Variants in CSMD3 observed in about 807,000 individuals in gnomAD.
The protein encoded by CSMD3 is CUB and Sushi multiple domains 3.
CSMD3 carries 177 observed loss-of-function variants against 435.2 expected under a neutral mutation model. The ratio of observed to expected loss-of-function variants is 0.41; its 90% CI spans 0.36 to 0.46. CSMD3 has a LOEUF of 0.46. Ranked by LOEUF, CSMD3 falls within the 20% of genes least tolerant of loss-of-function variation. The pLI, the probability that CSMD3 is intolerant of heterozygous loss-of-function variation, is 0.34. For missense variants in CSMD3, 4,265 were observed against 4,504.6 expected, an observed-to-expected ratio of 0.95 and a Z score of 1.52; for synonymous variants, 1,656 against 1,520.5, an observed-to-expected ratio of 1.09 and a Z score of -2.07.
intron 9 of CSMD3, 134 bp from the exon 10 acceptor site, chr8:112,921,885 G>T: frequency 1.4e-6 from 1 of 702,890 alleles, no homozygotes; most frequent in Middle Eastern, 3.0e-4. Context: ...AACAAAATGT[G>T]AAAGTATGAC....
In CSMD3 at chr8:112,847,417, G is replaced by C. The variant is rs182188187; in HGVS notation, c.1755+11728C>G. Among the ~76,000 whole-genome samples the C allele has an allele frequency of 2.2e-4, 33 of 152,128 alleles. No homozygotes were observed. The East Asian group carries it at 4.1e-3, about 19-fold the overall frequency. On this transcript the variant is annotated intron_variant, in intron 11 of 70. Coordinates refer to ENST00000297405, the MANE Select transcript of CSMD3 (RefSeq NM_198123.2). ...AGCACAGCTTCTTTGCCTTGAGTTG[G>C]GATAAACTATCAGGTGTAATTTACA...
At chr8:112,877,079 C>T (rs1564056319) in intron 10 of CSMD3, among the ~76,000 whole-genome samples, 1 of 151,996 alleles carries the variant, frequency 6.6e-6, no homozygotes, top group Non-Finnish European at 1.5e-5. Context: ...TCAAGGAGAA[C>T]TACAAACCAC....
At chr8:113,072,588 G>A (rs1442332598) in intron 5 of CSMD3, among the ~76,000 whole-genome samples, 9 of 151,582 alleles carry the variant, frequency 5.9e-5, no homozygotes, top group Admixed American at 5.3e-4. Flanking sequence ...TCTCAGTCTC[G>A]CTTGAATTCT....
chr8:112,939,987 T>C (rs1419260964), intron 9 of CSMD3, among the ~76,000 whole-genome samples: 1 of 151,912 alleles, frequency 6.6e-6, no homozygotes, highest in Non-Finnish European at 1.5e-5. Context: ...ACTTGTGAAG[T>C]GGGGAGAGAC....
At chr8:112,858,637 T>C (rs1465347329) in intron 11 of CSMD3, among the ~76,000 whole-genome samples, 2 of 151,854 alleles carry the variant, frequency 1.3e-5, no homozygotes, top group African/African-American at 2.4e-5. Context: ...TTACTCATAT[T>C]AGAATCAAAT....
rs1373579560 is a variant in CSMD3 at position 112,472,554 on chromosome 8, G to T, written c.5395+37C>A. 5.6e-6 allele frequency: 6 copies of T among 1,074,698 alleles called. No homozygotes were observed. In the East Asian group the frequency reaches 7.1e-5, roughly 13 times the overall value. The allele number at this position is 1,074,698 out of a possible 1,614,324, so 66.6% of individuals were successfully genotyped here. A position where few individuals can be genotyped will look rare whatever the true frequency, so the allele number is the denominator to read the frequency against. On this transcript the variant is annotated intron_variant, in intron 32 of 70. Coordinates refer to ENST00000297405, the MANE Select transcript of CSMD3 (RefSeq NM_198123.2). ...ATGTAGTGAAAAATAAAGCATGTCT[G>T]GATGAAATACTACATAATGAGTCGA...
At chr8:112,332,558 G>A (rs1241429314) in intron 45 of CSMD3, among the ~76,000 whole-genome samples, 1 of 152,088 alleles carries the variant, frequency 6.6e-6, no homozygotes, top group Non-Finnish European at 1.5e-5. Flanking sequence ...TGAAAGCAGT[G>A]CTTTAGAAAA....
At chr8:112,737,772 A>G (rs2077218357) in intron 13 of CSMD3, among the ~76,000 whole-genome samples, 1 of 151,890 alleles carries the variant, frequency 6.6e-6, no homozygotes, top group African/African-American at 2.4e-5. Context: ...ACTGATGCCT[A>G]CAATTCTAAA....
At chr8:112,473,721 A>T (rs1233636923) in intron 31 of CSMD3, among the ~76,000 whole-genome samples, 2 of 131,304 alleles carry the variant, frequency 1.5e-5, no homozygotes, top group Non-Finnish European at 1.6e-5. Context: ...AGGAAGAGGG[A>T]TTTTTTTTTT....
At chr8:113,328,068 CACACACACAG>C (rs1159025003) in intron 1 of CSMD3, among the ~76,000 whole-genome samples, 136 of 151,950 alleles carry the variant, frequency 9.0e-4, no homozygotes, top group Admixed American at 3.7e-3. Flanking sequence ...TGTGCCCAAA[CACACACACAG>C]ACACACACAG....
chr8:113,148,700 A>T (rs1037056288), intron 4 of CSMD3, among the ~76,000 whole-genome samples: 1 of 151,700 alleles, frequency 6.6e-6, no homozygotes, highest in African/African-American at 2.4e-5. Context: ...ATATTTAAAC[A>T]CCTGTAAAAC....
intron 5 of CSMD3, among the ~76,000 whole-genome samples, chr8:113,035,442 C>T (rs945722436): frequency 7.2e-5 from 11 of 151,876 alleles, no homozygotes; most frequent in Non-Finnish European, 1.6e-4. Flanking sequence ...TGAACAAAGA[C>T]AAGACTATAC....
At chr8:113,082,405 C>T (rs2089601777) in intron 5 of CSMD3, among the ~76,000 whole-genome samples, 1 of 152,138 alleles carries the variant, frequency 6.6e-6, no homozygotes, top group South Asian at 2.1e-4. Context: ...GTAAATCATA[C>T]AAAGATTATA....
chr8:112,755,941 A>G (rs935756953), intron 13 of CSMD3, among the ~76,000 whole-genome samples: 1 of 147,284 alleles, frequency 6.8e-6, no homozygotes, highest in Non-Finnish European at 1.5e-5. Context: ...TTTATTTTAT[A>G]TTTCTGCAAC....
At chr8:112,979,152 C>T (rs1001739141) in intron 6 of CSMD3, among the ~76,000 whole-genome samples, 1 of 151,400 alleles carries the variant, frequency 6.6e-6, no homozygotes, top group Non-Finnish European at 1.5e-5. Context: ...TTGTTATTTC[C>T]AAAACAAAAG....
intron 60 of CSMD3, among the ~76,000 whole-genome samples, 153 bp downstream of exon 60, chr8:112,265,258 A>G (rs1482951969): frequency 1.3e-5 from 2 of 151,942 alleles, no homozygotes; most frequent in Non-Finnish European, 2.9e-5. Flanking sequence ...TATTAAAATA[A>G]AATTTTTAAG....
chr8:113,382,374 T>C (rs1040107015), intron 1 of CSMD3, among the ~76,000 whole-genome samples: 2 of 152,182 alleles, frequency 1.3e-5, no homozygotes, highest in Non-Finnish European at 2.9e-5. Context: ...CAATAAGTGA[T>C]GAGTCAGTCT....
At chr8:112,256,332 C>G (rs570185655) in intron 61 of CSMD3, among the ~76,000 whole-genome samples, 16 of 151,850 alleles carry the variant, frequency 1.1e-4, no homozygotes, top group South Asian at 2.1e-4. Flanking sequence ...CAAAAGAGAT[C>G]AAGCCTGTAT....
intron 4 of CSMD3, among the ~76,000 whole-genome samples, chr8:113,137,270 C>T (rs1202840546): frequency 6.6e-6 from 1 of 151,442 alleles, no homozygotes; most frequent in African/African-American, 2.4e-5. Context: ...GCGGTTTTAC[C>T]TGGTATTGTC....
Sources: allele counts gnomAD v4.1 joint callset (sites outside exome capture counted in the v4.1 genomes callset), GRCh38; gene constraint gnomAD v4.1.1; transcripts MANE v1.5; gene names NCBI Gene and HGNC (gene_info 2026-07-23, HGNC 2026-07-21).